The following PXDNL variants were observed in gnomAD, a reference collection of about 807,000 sequenced individuals.
PXDNL encodes peroxidasin like.
Under a neutral mutation model 150.8 loss-of-function variants are expected in PXDNL, and 145 were observed. The observed-to-expected ratio is 0.96, with a 90% CI of 0.84 to 1.10. PXDNL has a LOEUF of 1.10. PXDNL is among the 50% of genes least tolerant of loss of function. The pLI is 0.00. For missense variants in PXDNL, 2,087 were observed against 1,873.9 expected (o/e 1.11, Z -2.10); for synonymous variants, 757 against 725.7 (o/e 1.04, Z -0.69).
At chr8:51,586,402 G>C (rs1313778855) in intron 3 of PXDNL, among the ~76,000 whole-genome samples, 1 of 152,196 alleles carries the variant, frequency 6.6e-6, no homozygotes, top group Admixed American at 6.5e-5. Context: ...ACAATCATGA[G>C]AGATAGAAAT....
chr8:51,326,884 C>T (rs78227059), intron 21 of PXDNL, among the ~76,000 whole-genome samples: 4,790 of 152,116 alleles, frequency 0.031, 237 homozygotes, highest in African/African-American at 0.11. Context: ...GCAGATGTAA[C>T]TAGTTATGAT....
intron 2 of PXDNL, among the ~76,000 whole-genome samples, chr8:51,608,419 A>G (rs1044851427): frequency 3.4e-5 from 5 of 148,050 alleles, no homozygotes; most frequent in Admixed American, 3.3e-4. Flanking sequence ...AAAGGAAGGA[A>G]GGAAGAAAGA....
chr8:51,319,992 A>C lies in PXDNL; in HGVS notation c.4291T>G (p.Cys1431Gly), dbSNP rs777025405. 5.1e-6 allele frequency: 8 copies of C among 1,570,454 alleles called. No individual in the cohort carries two copies. The highest frequency in any genetic ancestry group is 3.7e-5 in the Admixed American group (2 of 53,566). Residue 1431 changes from cysteine to glycine, a missense_variant, in exon 23 of 23, where the codon TGT (cysteine) becomes GGT (glycine). Coordinates refer to ENST00000356297, the MANE Select transcript of PXDNL (RefSeq NM_144651.5). ...GGACTGGGACAGGGAGCCGGGGGAC[A>C]AATCTCCACCACACAGGTGACCTGG... Reference protein sequence around the residue: ...SGQVTCVVEICPPAPCPSPEL... With the variant: ...SGQVTCVVEIGPPAPCPSPEL...
chr8:51,523,907 G>T (rs1227470243), intron 4 of PXDNL, among the ~76,000 whole-genome samples: 1 of 152,172 alleles, frequency 6.6e-6, no homozygotes, highest in Non-Finnish European at 1.5e-5. Flanking sequence ...TGAAATCAGG[G>T]CTGGAAAAGG....
At position 51,453,692 on chromosome 8, in the gene PXDNL, G is replaced by C; in HGVS notation, c.1076C>G (p.Pro359Arg). The C allele has an allele frequency of 8.7e-6, 14 of 1,614,044 alleles. No individual in the cohort carries two copies. Among genetic ancestry groups the C allele is most frequent in the African/African-American group, 1.3e-5 (1 of 75,064 alleles). The change falls in exon 10 of 23, where the codon CCT becomes CGT. Residue 359 changes from proline (P) to arginine (R), a missense_variant. By Grantham distance (103) the Pro-to-Arg change is moderately radical. Transcript: ENST00000356297. Reference sequence around the variant, plus strand: ...ATTGTCCCTGGTCCAAGTGATAAGAGGGTGTGGGTGGCCTGTGGCCATACA... The same window carrying C: ...ATTGTCCCTGGTCCAAGTGATAAGACGGTGTGGGTGGCCTGTGGCCATACA... ...LECMATGHPHPLITWTRDNGL... is the reference protein window; with the variant it reads ...LECMATGHPHRLITWTRDNGL...
intron 1 of PXDNL, among the ~76,000 whole-genome samples, chr8:51,748,082 A>G (rs768542245): frequency 2.6e-5 from 4 of 152,190 alleles, no homozygotes; most frequent in Non-Finnish European, 5.9e-5. Flanking sequence ...ACTCAAGCTC[A>G]TTTGAATAGT....
intron 4 of PXDNL, among the ~76,000 whole-genome samples, chr8:51,527,766 G>A (rs1811800152): frequency 6.6e-6 from 1 of 152,196 alleles, no homozygotes; most frequent in South Asian, 2.1e-4. Flanking sequence ...TCATGAAATT[G>A]TGCAGAGGGT....
At chr8:51,718,077 G>A (rs1377346509) in intron 1 of PXDNL, among the ~76,000 whole-genome samples, 10 of 152,070 alleles carry the variant, frequency 6.6e-5, no homozygotes, top group Admixed American at 6.5e-4. Flanking sequence ...GTCACCACTT[G>A]TCTTAAATGT....
chr8:51,520,680 T>A (rs1811643785), intron 4 of PXDNL, among the ~76,000 whole-genome samples: 1 of 152,074 alleles, frequency 6.6e-6, no homozygotes, highest in South Asian at 2.1e-4. Context: ...CGGGAGACTC[T>A]CCTGCCCTCA....
intron 1 of PXDNL, among the ~76,000 whole-genome samples, chr8:51,758,969 AACTCAGTATC>A (rs1467373531): frequency 3.3e-5 from 5 of 152,154 alleles, no homozygotes; most frequent in African/African-American, 9.7e-5. Context: ...CAGATTTGGA[AACTCAGTATC>A]ACCTTTTGTT....
intron 17 of PXDNL, among the ~76,000 whole-genome samples, chr8:51,399,754 ATTTAG>A (rs1233465444): frequency 3.3e-5 from 5 of 152,328 alleles, no homozygotes; most frequent in African/African-American, 7.2e-5. Flanking sequence ...TTAACTGAAA[ATTTAG>A]TTTAGTTTAG....
Position 51,372,082 on chromosome 8 carries a change from C to T in PXDNL, c.3693-1G>A. ...TACTCCAGGGTTTTCATACCAGAAC[C>T]TGGTAGTCAACCAAAAAAAAAACAT... On this transcript the variant is annotated splice_acceptor_variant, in intron 18 of 22. Coordinates refer to ENST00000356297, the MANE Select transcript of PXDNL (RefSeq NM_144651.5). LOFTEE classifies it high-confidence loss of function. The T allele has an allele frequency of 6.5e-7, 1 of 1,546,320 alleles. No homozygotes were observed. Among genetic ancestry groups the T allele is most frequent in the Non-Finnish European group, 8.7e-7 (1 of 1,144,300 alleles).
intron 1 of PXDNL, among the ~76,000 whole-genome samples, chr8:51,655,320 A>T (rs1815128102): frequency 6.6e-6 from 1 of 152,156 alleles, no homozygotes; most frequent in East Asian, 1.9e-4. Context: ...CATCTTTTTT[A>T]TTCAGCATGT....
chr8:51,631,339 A>G (rs768992384), intron 2 of PXDNL, among the ~76,000 whole-genome samples: 8 of 152,182 alleles, frequency 5.3e-5, no homozygotes, highest in Non-Finnish European at 8.8e-5. Context: ...TATGATGCTC[A>G]TTAGCTGGGT....
chr8:51,569,967 C>T (rs1812899198), intron 3 of PXDNL, among the ~76,000 whole-genome samples: 1 of 151,836 alleles, frequency 6.6e-6, no homozygotes, highest in Non-Finnish European at 1.5e-5. Context: ...TCTGCAAGTG[C>T]TTTTGTTGCC....
chr8:51,664,173 G>A (rs947342120), intron 1 of PXDNL, among the ~76,000 whole-genome samples: 2 of 152,076 alleles, frequency 1.3e-5, no homozygotes, highest in East Asian at 3.9e-4. Flanking sequence ...ATTCATTGGC[G>A]TGTGAAAATA....
chr8:51,693,592 G>A (rs1449998184), intron 1 of PXDNL, among the ~76,000 whole-genome samples: 2 of 152,122 alleles, frequency 1.3e-5, no homozygotes, highest in African/African-American at 2.4e-5. Context: ...GGGCAACATG[G>A]CAAAACCCCC....
In PXDNL at chr8:51,807,648, A is replaced by G. The variant is rs2037691842; in HGVS notation, c.164+1533T>C. ...AATCTAGCCAAGGGCCTGAGAATCCACCATTAAGCTTTATTTTTAAACATA... is the reference window on the plus strand; with the variant it reads ...AATCTAGCCAAGGGCCTGAGAATCCGCCATTAAGCTTTATTTTTAAACATA... On this transcript the variant is annotated intron_variant, in intron 1 of 22. Transcript: ENST00000356297. Among the ~76,000 whole-genome samples, 4 of 152,218 alleles carry G rather than the reference A, an allele frequency of 2.6e-5. No individual in the cohort carries two copies. The South Asian group carries it at 8.3e-4, about 32-fold the overall frequency.
chr8:51,726,906 C>A (rs923139973), intron 1 of PXDNL, among the ~76,000 whole-genome samples: 4 of 152,182 alleles, frequency 2.6e-5, no homozygotes, highest in Admixed American at 6.6e-5. Context: ...CCAGGCAATA[C>A]TTTACAGTTT....
Sources: allele counts gnomAD v4.1 joint callset (sites outside exome capture counted in the v4.1 genomes callset), GRCh38; gene constraint gnomAD v4.1.1; transcripts MANE v1.5; gene names NCBI Gene and HGNC (gene_info 2026-07-23, HGNC 2026-07-21).